The following IQCM variants were observed in gnomAD, a reference collection of about 807,000 sequenced individuals.
The protein encoded by IQCM is IQ motif containing M.
IQCM carries 45 observed loss-of-function variants against 57.6 expected under a neutral mutation model. That is an observed-to-expected ratio of 0.78 (90% CI 0.62 to 1.00). The LOEUF is 1.00. Ranked by LOEUF, IQCM falls within the 50% of genes least tolerant of loss-of-function variation. IQCM has a pLI of 0.00. For missense variants in IQCM, 468 were observed against 511.6 expected (o/e 0.91, Z 0.82); for synonymous variants, 148 against 158.9 (o/e 0.93, Z 0.51).
chr4:149,581,561 G>A (rs970370814), intron 9 of IQCM, among the ~76,000 whole-genome samples: 3 of 151,570 alleles, frequency 2.0e-5, no homozygotes, highest in Non-Finnish European at 4.4e-5. Flanking sequence ...TATCTGAAAA[G>A]TTCTCGGGGT....
At chr4:149,651,109 A>G (rs1398136568) in intron 7 of IQCM, among the ~76,000 whole-genome samples, 1 of 152,210 alleles carries the variant, frequency 6.6e-6, no homozygotes, top group Non-Finnish European at 1.5e-5. Flanking sequence ...TGAAAGTTAA[A>G]TTGGAAGTGA....
chr4:149,454,016 TA>T (rs1579109689), intron 12 of IQCM, among the ~76,000 whole-genome samples: 1 of 151,646 alleles, frequency 6.6e-6, no homozygotes, highest in East Asian at 1.9e-4. Flanking sequence ...GATGAGTAGG[TA>T]AACAAAATGT....
At chr4:149,609,219 A>G (rs781588607) in intron 8 of IQCM, among the ~76,000 whole-genome samples, 3 of 151,846 alleles carry the variant, frequency 2.0e-5, no homozygotes, top group Non-Finnish European at 4.4e-5. Flanking sequence ...ATAGACCACA[A>G]CTAGTATTGA....
chr4:149,721,822 C>A (rs750412425), intron 5 of IQCM, among the ~76,000 whole-genome samples: 1 of 152,056 alleles, frequency 6.6e-6, no homozygotes, highest in Non-Finnish European at 1.5e-5. Context: ...AGTGAAATTG[C>A]TGGGTTGAAT....
chr4:149,558,432 T>C (rs969220013), intron 10 of IQCM, among the ~76,000 whole-genome samples: 6 of 152,196 alleles, frequency 3.9e-5, no homozygotes, highest in Non-Finnish European at 8.8e-5. Context: ...AGGCTCCTAG[T>C]ATGGGCCAAG....
chr4:149,613,567 T>A (rs1260782247), intron 8 of IQCM, among the ~76,000 whole-genome samples: 2 of 152,118 alleles, frequency 1.3e-5, no homozygotes, highest in Non-Finnish European at 2.9e-5. Flanking sequence ...ATTCCTGTTT[T>A]CACTTTTTTT....
chr4:149,540,932 T>C (rs1747790377), intron 12 of IQCM, among the ~76,000 whole-genome samples: 1 of 152,160 alleles, frequency 6.6e-6, no homozygotes, highest in Non-Finnish European at 1.5e-5. Flanking sequence ...ATAAGGCTAC[T>C]CTAACATGTT....
chr4:149,589,232 A>G (rs1752906799), intron 8 of IQCM, among the ~76,000 whole-genome samples: 1 of 151,980 alleles, frequency 6.6e-6, no homozygotes, highest in South Asian at 2.1e-4. Flanking sequence ...TGGTTAGAGG[A>G]TTTTGAGTTG....
chr4:149,480,998 T>C lies in IQCM; in HGVS notation c.1229-47441A>G, dbSNP rs539948509. ...ATTGCAGTTCTGACTTGCATTTCTC[T>C]GATGATCAGTGGTATTGAGCACCTT... On this transcript the variant is annotated intron_variant, in intron 12 of 13. Coordinates refer to ENST00000636793, the MANE Select transcript of IQCM (RefSeq NM_001363507.2). 1.8e-4 allele frequency among the ~76,000 whole-genome samples: 27 copies of C among 152,294 alleles called. 2 individuals are homozygous for C. Among genetic ancestry groups the C allele is most frequent in the Admixed American group, 1.6e-3 (25 of 15,284 alleles).
intron 7 of IQCM, among the ~76,000 whole-genome samples, chr4:149,643,933 A>C (rs1758422493): frequency 6.6e-6 from 1 of 152,176 alleles, no homozygotes; most frequent in African/African-American, 2.4e-5. Flanking sequence ...ATGAAATATC[A>C]AGGCCTTACT....
chr4:149,503,877 T>C (rs777995283), intron 12 of IQCM, among the ~76,000 whole-genome samples: 2 of 152,088 alleles, frequency 1.3e-5, no homozygotes, highest in African/African-American at 4.8e-5. Context: ...ATGAAATTCA[T>C]CTGGAATTTT....
In IQCM at chr4:149,775,270, A is replaced by G. The variant is rs1373432013; in HGVS notation, c.-48-32531T>C. 1.5e-4 allele frequency among the ~76,000 whole-genome samples: 23 copies of G among 152,122 alleles called. 1 individual carries two copies. The highest frequency in any genetic ancestry group is 1.5e-3 in the Admixed American group (23 of 15,276). ...GATTGAATGTTGTTTCTCCAAAAGC[A>G]AATGTCTCACAATATGACCCAGAAT... is the stretch of plus-strand genomic sequence containing the variant. On this transcript the variant is annotated intron_variant, in intron 2 of 13. Coordinates refer to ENST00000636793, the MANE Select transcript of IQCM (RefSeq NM_001363507.2).
intron 8 of IQCM, among the ~76,000 whole-genome samples, chr4:149,617,861 A>G (rs1755938533): frequency 6.6e-6 from 1 of 152,202 alleles, no homozygotes; most frequent in Non-Finnish European, 1.5e-5. Flanking sequence ...CATAGATGGC[A>G]CAAACAAATG....
At chr4:149,378,388 T>G (rs1276468642) in intron 13 of IQCM, among the ~76,000 whole-genome samples, 1 of 152,144 alleles carries the variant, frequency 6.6e-6, no homozygotes. Flanking sequence ...AGAGACTTGT[T>G]GAATGGCTTT....
At chr4:149,547,903 C>T (rs1216928357) in intron 12 of IQCM, among the ~76,000 whole-genome samples, 2 of 152,178 alleles carry the variant, frequency 1.3e-5, no homozygotes, top group Admixed American at 1.3e-4. Flanking sequence ...TGACAATTTA[C>T]ATCCCCTTAT....
intron 5 of IQCM, among the ~76,000 whole-genome samples, chr4:149,694,218 CTTTTTTTTT>C (rs70965195): frequency 3.0e-4 from 28 of 94,806 alleles, no homozygotes; most frequent in Non-Finnish European, 5.2e-4. Flanking sequence ...GGATTAATTT[CTTTTTTTTT>C]TTTTTTTTTT....
In IQCM at chr4:149,354,370, A is replaced by AC. The variant is rs1560766307; in HGVS notation, c.1391-2305_1391-2304insG. Among the ~76,000 whole-genome samples, 3 of 98,406 alleles carry AC rather than the reference A, an allele frequency of 3.0e-5. 1 individual carries two copies. The highest frequency in any genetic ancestry group is 7.2e-5 in the Non-Finnish European group (3 of 41,534). The allele number at this position is 98,406 out of a possible 152,430, so 64.6% of individuals were successfully genotyped here. ...CAGAGCGAGACTCCGTCTCAAAAAAAAAAAAAAAAAAAAAAAAAACTGACA... is the reference window on the plus strand; with the variant it reads ...CAGAGCGAGACTCCGTCTCAAAAAAACAAAAAAAAAAAAAAAAAAACTGACA... On this transcript the variant is annotated intron_variant, in intron 13 of 13. Transcript: ENST00000636793.
chr4:149,409,161 T>G (rs1331133563), intron 13 of IQCM, among the ~76,000 whole-genome samples: 3 of 152,016 alleles, frequency 2.0e-5, no homozygotes, highest in Non-Finnish European at 4.4e-5. Context: ...ATCCAGTGAG[T>G]GAGAAGCCAG....
At chr4:149,762,233 GAAAAA>G (rs566639010) in intron 2 of IQCM, among the ~76,000 whole-genome samples, 1 of 142,652 alleles carries the variant, frequency 7.0e-6, no homozygotes, top group Non-Finnish European at 1.5e-5. Context: ...GCTCAGTGAT[GAAAAA>G]AAAAAAGAAA....
Sources: gnomAD v4.1 joint callset for allele counts (sites outside exome capture counted in the v4.1 genomes callset) on GRCh38, gnomAD v4.1.1 for gene constraint, MANE v1.5 for transcripts, NCBI Gene and HGNC (gene_info 2026-07-23, HGNC 2026-07-21) for gene names.